Variants in PLCB4 observed in about 807,000 individuals in gnomAD.
PLCB4 encodes the protein 1-phosphatidylinositol 4,5-bisphosphate phosphodiesterase beta-4.
Under a neutral mutation model 178.8 loss-of-function variants are expected in PLCB4, and 77 were observed. The ratio of observed to expected loss-of-function variants is 0.43; its 90% CI spans 0.36 to 0.52. PLCB4 has a LOEUF of 0.52. PLCB4 is among the 20% of genes least tolerant of loss of function. The pLI is 0.00. For missense variants in PLCB4, 1,024 were observed against 1,453.4 expected, an observed-to-expected ratio of 0.70 and a Z score of 4.80; for synonymous variants, 496 against 490.8, an observed-to-expected ratio of 1.01 and a Z score of -0.14.
At chr20:9,212,140 T>C (rs969302622) in intron 2 of PLCB4, among the ~76,000 whole-genome samples, 2 of 152,196 alleles carry the variant, frequency 1.3e-5, no homozygotes, top group East Asian at 3.9e-4. Context: ...GGAAAGTGCT[T>C]GTGCTTTGGG....
At chr20:9,077,017 A>G (rs977776522) in intron 1 of PLCB4, among the ~76,000 whole-genome samples, 5 of 152,172 alleles carry the variant, frequency 3.3e-5, no homozygotes, top group African/African-American at 9.6e-5. Context: ...ATTTACATGT[A>G]TAAGTATATA....
chr20:9,099,814 C>A (rs66490473), intron 2 of PLCB4, among the ~76,000 whole-genome samples: 18,719 of 152,062 alleles, frequency 0.12, 1,467 homozygotes, highest in East Asian at 0.32. Flanking sequence ...TCTTCCAGCT[C>A]CCCTCCCTTT....
intron 3 of PLCB4, among the ~76,000 whole-genome samples, chr20:9,270,273 T>C (rs2147613428): frequency 6.6e-6 from 1 of 152,304 alleles, no homozygotes; most frequent in East Asian, 1.9e-4. Flanking sequence ...ATCACTGTCA[T>C]AATAGGATAC....
intron 2 of PLCB4, among the ~76,000 whole-genome samples, chr20:9,196,767 T>G (rs1168186159): frequency 6.6e-6 from 1 of 152,164 alleles, no homozygotes; most frequent in Non-Finnish European, 1.5e-5. Context: ...GGAGATTTTA[T>G]TTATGAGGGG....
intron 3 of PLCB4, among the ~76,000 whole-genome samples, chr20:9,273,225 A>G (rs113237815): frequency 1.3e-5 from 2 of 152,268 alleles, no homozygotes; most frequent in African/African-American, 4.8e-5. Flanking sequence ...TACCACTTTT[A>G]TCATTACTCT....
chr20:9,216,506 T>C (rs534339957), intron 2 of PLCB4, among the ~76,000 whole-genome samples: 2 of 151,784 alleles, frequency 1.3e-5, no homozygotes, highest in South Asian at 2.1e-4. Context: ...CGTGAGCCAC[T>C]GCGCCCGGCC....
At chr20:9,248,234 C>T (rs2094145072) in intron 3 of PLCB4, among the ~76,000 whole-genome samples, 1 of 151,990 alleles carries the variant, frequency 6.6e-6, no homozygotes, top group African/African-American at 2.4e-5. Flanking sequence ...TGTGTTTATC[C>T]ATGTACTGTG....
At chr20:9,275,187 G>A (rs1049354259) in intron 3 of PLCB4, among the ~76,000 whole-genome samples, 4 of 151,758 alleles carry the variant, frequency 2.6e-5, no homozygotes, top group African/African-American at 9.7e-5. Flanking sequence ...TCACAATCAT[G>A]GCGGAGGGCA....
intron 3 of PLCB4, among the ~76,000 whole-genome samples, chr20:9,267,641 A>G (rs2094362232): frequency 2.0e-5 from 3 of 152,152 alleles, no homozygotes; most frequent in Non-Finnish European, 4.4e-5. Context: ...CTGTGCTTAG[A>G]TACATGAAAA....
intron 2 of PLCB4, among the ~76,000 whole-genome samples, chr20:9,174,512 A>T (rs2093121875): frequency 7.3e-6 from 1 of 137,904 alleles, no homozygotes; most frequent in Non-Finnish European, 1.6e-5. Flanking sequence ...AGCCTTTTTT[A>T]CATTGTAGTT....
chr20:9,462,036 C>T (rs1300358320), intron 35 of PLCB4, among the ~76,000 whole-genome samples: 1 of 152,092 alleles, frequency 6.6e-6, no homozygotes, highest in East Asian at 1.9e-4. Context: ...TAGGTGGGTG[C>T]CCCTCTGGGA....
At chr20:9,327,186 C>T (rs2030746816) in intron 4 of PLCB4, among the ~76,000 whole-genome samples, 1 of 152,048 alleles carries the variant, frequency 6.6e-6, no homozygotes, top group Non-Finnish European at 1.5e-5. Context: ...TGCTTATGAT[C>T]CCAGTGCTTT....
At chr20:9,220,498 T>A (rs1181888744) in intron 3 of PLCB4, among the ~76,000 whole-genome samples, 1 of 152,130 alleles carries the variant, frequency 6.6e-6, no homozygotes, top group Non-Finnish European at 1.5e-5. Flanking sequence ...TAGCTGGGCA[T>A]GGTGGCACAT....
chr20:9,080,988 C>A (rs2090116328), intron 1 of PLCB4, among the ~76,000 whole-genome samples: 1 of 152,148 alleles, frequency 6.6e-6, no homozygotes, highest in Non-Finnish European at 1.5e-5. Flanking sequence ...TGCCGCTAGC[C>A]TGAATTTATG....
chr20:9,338,100 C>A (rs772396315), intron 6 of PLCB4, 33 bp downstream of exon 6: 2 of 1,422,956 alleles, frequency 1.4e-6, no homozygotes, highest in African/African-American at 1.4e-5. Context: ...TTTCTAAACA[C>A]GGATTTACTT....
intron 19 of PLCB4, among the ~76,000 whole-genome samples, chr20:9,395,984 ATGAG>A (rs1315904497): frequency 2.0e-5 from 3 of 152,324 alleles, no homozygotes; most frequent in South Asian, 2.1e-4. Flanking sequence ...TCAAAAATAA[ATGAG>A]TAAGAAAACC....
chr20:9,297,204 T>A (rs1025242612), intron 3 of PLCB4, among the ~76,000 whole-genome samples: 1 of 152,002 alleles, frequency 6.6e-6, no homozygotes, highest in Admixed American at 6.6e-5. Context: ...GGTTGATATA[T>A]CTTGCATGCT....
At chr20:9,207,847 T>C (rs1392941749) in intron 2 of PLCB4, among the ~76,000 whole-genome samples, 2 of 152,240 alleles carry the variant, frequency 1.3e-5, no homozygotes, top group Non-Finnish European at 2.9e-5. Flanking sequence ...GAATCAATTA[T>C]ATTTTTTTCT....
At chr20:9,179,615 C>T (rs2093212712) in intron 2 of PLCB4, among the ~76,000 whole-genome samples, 1 of 152,150 alleles carries the variant, frequency 6.6e-6, no homozygotes, top group Non-Finnish European at 1.5e-5. Flanking sequence ...AGCAGATTTA[C>T]CCAGGTTTTC....
Sources: gnomAD v4.1 joint callset for allele counts (sites outside exome capture counted in the v4.1 genomes callset) on GRCh38, gnomAD v4.1.1 for gene constraint, MANE v1.5 for transcripts, NCBI Gene and HGNC (gene_info 2026-07-23, HGNC 2026-07-21) for gene names.